Variants in MAP3K9 observed in about 807,000 individuals in gnomAD.
MAP3K9 encodes the protein mixed lineage kinase 1 (tyr and ser/thr specificity).
In MAP3K9, 46 loss-of-function variants were observed where a neutral mutation model predicts 95.8. The observed-to-expected ratio is 0.48, with a 90% CI of 0.38 to 0.61. The LOEUF is 0.61. MAP3K9 is among the 20% of genes least tolerant of loss of function. MAP3K9 has a pLI of 0.00. For synonymous variants in MAP3K9, 533 were observed against 593.8 expected (o/e 0.90, Z 1.49); for missense variants, 1,296 against 1,474.3 (o/e 0.88, Z 1.98).
chr14:70,806,063 G>A (rs1027562397), intron 1 of MAP3K9, among the ~76,000 whole-genome samples: 4 of 152,164 alleles, frequency 2.6e-5, no homozygotes, highest in Admixed American at 6.5e-5. Context: ...AGAATGCAAC[G>A]TCACAACACA....
At chr14:70,739,265 G>T (rs932277248) in intron 7 of MAP3K9, among the ~76,000 whole-genome samples, 2 of 152,174 alleles carry the variant, frequency 1.3e-5, no homozygotes, top group Non-Finnish European at 2.9e-5. Context: ...AAGTAGCTCG[G>T]ACTACAGATG....
chr14:70,751,343 C>A (rs554825296), intron 3 of MAP3K9, among the ~76,000 whole-genome samples: 1 of 152,320 alleles, frequency 6.6e-6, no homozygotes, highest in East Asian at 1.9e-4. Flanking sequence ...AAGAATGGCT[C>A]TCCTTATGTT....
chr14:70,724,816 G>C lies in MAP3K9; in HGVS notation c.*5564C>G, dbSNP rs1288601721. Reference sequence around the variant, plus strand: ...CGCTTGTGACTACTCTGACCTCTGGGTTCAGAATGCCCAGACGTCTATCCC... The same window carrying C: ...CGCTTGTGACTACTCTGACCTCTGGCTTCAGAATGCCCAGACGTCTATCCC... On this transcript the variant is annotated 3_prime_UTR_variant, in exon 12 of 12. Transcript: ENST00000554752. 6.6e-6 allele frequency: 1 copy of C among 152,060 alleles called. No individual in the cohort carries two copies. Among genetic ancestry groups the C allele is most frequent in the Non-Finnish European group, 1.5e-5 (1 of 68,014 alleles). The allele number at this position is 152,060 out of a possible 1,614,324, so 9.4% of individuals were successfully genotyped here.
chr14:70,784,323 A>T (rs11621236), intron 2 of MAP3K9, among the ~76,000 whole-genome samples: 36,994 of 152,034 alleles, frequency 0.24, 4,678 homozygotes, highest in East Asian at 0.34. Flanking sequence ...AATAAAATAA[A>T]AAACAAAACC....
intron 2 of MAP3K9, among the ~76,000 whole-genome samples, chr14:70,774,200 G>A (rs2054565848): frequency 6.6e-6 from 1 of 152,212 alleles, no homozygotes; most frequent in Non-Finnish European, 1.5e-5. Context: ...AAATAGGCAA[G>A]GGGTGTTCAA....
chr14:70,773,348 A>G (rs747175740), intron 2 of MAP3K9, among the ~76,000 whole-genome samples: 30 of 152,336 alleles, frequency 2.0e-4, no homozygotes, highest in Non-Finnish European at 2.9e-4. Context: ...CAAATTGAAA[A>G]CACAGCAGAA....
chr14:70,762,690 A>G (rs1269925768), intron 2 of MAP3K9, among the ~76,000 whole-genome samples: 1 of 152,144 alleles, frequency 6.6e-6, no homozygotes, highest in East Asian at 1.9e-4. Flanking sequence ...CTCCCATTCT[A>G]CTGGCTGTCT....
At chr14:70,807,014 G>T (rs1474933567) in intron 1 of MAP3K9, among the ~76,000 whole-genome samples, 1 of 152,148 alleles carries the variant, frequency 6.6e-6, no homozygotes, top group East Asian at 1.9e-4. Context: ...AAAGTAATTT[G>T]CTACCTCCAG....
chr14:70,791,098 C>T (rs554249303), intron 2 of MAP3K9, among the ~76,000 whole-genome samples: 1 of 152,108 alleles, frequency 6.6e-6, no homozygotes, highest in Non-Finnish European at 1.5e-5. Context: ...AGGGAAGATA[C>T]AATAAAATGT....
intron 2 of MAP3K9, among the ~76,000 whole-genome samples, chr14:70,770,011 C>A (rs7160912): frequency 0.52 from 78,981 of 151,844 alleles, 20,625 homozygotes; most frequent in South Asian, 0.62. Context: ...AGGGAATAAG[C>A]TAAACAGAGT....
At chr14:70,758,111 T>C (rs886461606) in intron 3 of MAP3K9, among the ~76,000 whole-genome samples, 5 of 151,870 alleles carry the variant, frequency 3.3e-5, no homozygotes, top group Admixed American at 2.6e-4. Context: ...GGAAAAACAA[T>C]CTACAGAATG....
Position 70,734,420 on chromosome 14 carries a change from C to G in MAP3K9, c.1992G>C (p.Pro664=), listed in dbSNP as rs555483404. The change falls in exon 10 of 12, where the codon CCG becomes CCC. Residue 664 remains proline (P), a synonymous_variant. Coordinates refer to ENST00000554752, the MANE Select transcript of MAP3K9 (RefSeq NM_001284230.2). ...TAAGGCTGGTGAACCCTGGCAGGGC[C>G]GGGCTACTCCTTGGGCCCTTCACCA... The part of the protein sequence containing the change: ...PNLVKGPRSS[P]ALPGFTSLME... 11 of 1,614,070 alleles carry G rather than the reference C, an allele frequency of 6.8e-6. No homozygotes were observed. Among genetic ancestry groups the G allele is most frequent in the African/African-American group, 2.7e-5 (2 of 75,044 alleles).
At chr14:70,757,990 C>G (rs966926716) in intron 3 of MAP3K9, among the ~76,000 whole-genome samples, 28 of 152,062 alleles carry the variant, frequency 1.8e-4, no homozygotes, top group African/African-American at 6.8e-4. Context: ...TGACTTTGGA[C>G]TAGGCAATGT....
At chr14:70,762,769 T>G (rs28420983) in intron 2 of MAP3K9, among the ~76,000 whole-genome samples, 46,872 of 152,112 alleles carry the variant, frequency 0.31, 7,392 homozygotes, top group Admixed American at 0.35. Context: ...TATTTTTTTA[T>G]TTATTGCACA....
At chr14:70,769,804 G>A (rs115762338) in intron 2 of MAP3K9, among the ~76,000 whole-genome samples, 1,822 of 152,088 alleles carry the variant, frequency 0.012, 47 homozygotes, top group African/African-American at 0.042. Flanking sequence ...TAAGGACATC[G>A]GTCATTGGAT....
chr14:70,766,243 T>C (rs1236928551), intron 2 of MAP3K9, among the ~76,000 whole-genome samples: 2 of 152,198 alleles, frequency 1.3e-5, no homozygotes, highest in African/African-American at 4.8e-5. Flanking sequence ...ATTTAAATCC[T>C]AGGCTTGACA....
chr14:70,803,020 G>A (rs977376771), intron 1 of MAP3K9, among the ~76,000 whole-genome samples: 4 of 152,100 alleles, frequency 2.6e-5, no homozygotes, highest in African/African-American at 9.7e-5. Flanking sequence ...ACAGTAATGA[G>A]TGAGTTCTTG....
At chr14:70,733,811 A>T in intron 10 of MAP3K9, 1 of 718,302 alleles carries the variant, frequency 1.4e-6, no homozygotes. Context: ...AGAACAAAGC[A>T]GGCAGAAAAA....
chr14:70,763,379 C>T (rs959094686), intron 2 of MAP3K9, among the ~76,000 whole-genome samples: 2 of 152,204 alleles, frequency 1.3e-5, no homozygotes, highest in African/African-American at 2.4e-5. Flanking sequence ...GTCATAATGT[C>T]ATGGCACCAT....
Sources: gnomAD v4.1 joint callset for allele counts (sites outside exome capture counted in the v4.1 genomes callset) on GRCh38, gnomAD v4.1.1 for gene constraint, MANE v1.5 for transcripts, NCBI Gene and HGNC (gene_info 2026-07-23, HGNC 2026-07-21) for gene names.